The following ZNF230 variants were observed in gnomAD, a reference collection of about 807,000 sequenced individuals.
The protein encoded by ZNF230 is zinc finger protein 230, also known as zinc finger protein FDZF2.
A neutral mutation model predicts 10.0 loss-of-function variants in ZNF230; 12 were observed. That is an observed-to-expected ratio of 1.20 (90% confidence interval 0.77 to 1.95). ZNF230 has a LOEUF of 1.95. Among genes scored for constraint, ZNF230 ranks in the 30% most tolerant of loss-of-function variants. ZNF230 has a pLI of 0.00. For missense variants in ZNF230, 532 were observed against 565.8 expected (o/e 0.94, Z 0.61); for synonymous variants, 174 against 193.6 (o/e 0.90, Z 0.84).
At chr19:44,009,346 T>C (rs1599852548) in intron 4 of ZNF230, 176 bp downstream of exon 4, 1 of 690,818 alleles carries the variant, frequency 1.4e-6, no homozygotes, top group Admixed American at 3.0e-5. Flanking sequence ...ACATCTATTT[T>C]CCCCCGAGCA....
Position 44,012,077 on chromosome 19 carries a change from GC to G in ZNF230, c.*614del. The G allele has an allele frequency of 4.7e-6, 1 of 214,126 alleles. No individual in the cohort carries two copies. The highest frequency in any genetic ancestry group is 9.4e-6 in the Non-Finnish European group (1 of 106,132). The allele number at this position is 214,126 out of a possible 1,614,324, so 13.3% of individuals were successfully genotyped here. On this transcript the variant is annotated 3_prime_UTR_variant, in exon 5 of 5. Coordinates refer to ENST00000429154, the MANE Select transcript of ZNF230 (RefSeq NM_006300.4). ...TCTGATCCACATACTGATTTCCTTT[GC>G]TTTGGATATACTCAATAGTGGGATT... is the stretch of plus-strand genomic sequence containing the variant.
intron 2 of ZNF230, 44 bp from the exon 3 acceptor site, chr19:44,008,746 G>C (rs1409013618): frequency 1.2e-6 from 2 of 1,604,532 alleles, no homozygotes; most frequent in African/African-American, 1.3e-5. Flanking sequence ...TCCCCCAGTA[G>C]TCCATGGTCA....
intron 2 of ZNF230, among the ~76,000 whole-genome samples, chr19:44,007,677 A>G (rs1320966690): frequency 1.3e-5 from 2 of 152,124 alleles, no homozygotes; most frequent in Admixed American, 1.3e-4. Flanking sequence ...GTGTTTCCGT[A>G]TTCTGTCCTT....
At position 44,010,666 on chromosome 19, in the gene ZNF230, A is replaced by G. The variant is rs779939169; in HGVS notation, c.627A>G (p.Ser209=). ...DMRGKEFSQS[S]CLQTRERVHT... is the part of the protein sequence containing the mutation. ...GTGGTAAGGAATTCAGTCAGAGCTC[A>G]TGTCTGCAAACTCGTGAGAGAGTCC... The change falls in exon 5 of 5, where the codon TCA becomes TCG. Residue 209 remains serine (S), a synonymous_variant. Coordinates refer to ENST00000429154, the MANE Select transcript of ZNF230 (RefSeq NM_006300.4). The G allele has an allele frequency of 3.1e-6, 5 of 1,614,146 alleles. No homozygotes were observed. Among genetic ancestry groups the G allele is most frequent in the Non-Finnish European group, 4.2e-6 (5 of 1,180,050 alleles).
In ZNF230 at chr19:44,011,632, G is replaced by A. The variant is rs1226851133; in HGVS notation, c.*168G>A. 2 of 724,274 alleles carry A rather than the reference G, an allele frequency of 2.8e-6. No homozygotes were observed. The highest frequency in any genetic ancestry group is 2.9e-5 in the East Asian group (1 of 33,964). The allele number at this position is 724,274 out of a possible 1,614,324, so 44.9% of individuals were successfully genotyped here. On this transcript the variant is annotated 3_prime_UTR_variant, in exon 5 of 5. Transcript: ENST00000429154. ...ATTTGAAAAGAAACAATAAATTATTGTTGATTATAGTCACCTTTGGTGCTT... is the reference window on the plus strand; with the variant it reads ...ATTTGAAAAGAAACAATAAATTATTATTGATTATAGTCACCTTTGGTGCTT...
intron 2 of ZNF230, among the ~76,000 whole-genome samples, chr19:44,008,163 G>C (rs1976139666): frequency 6.6e-6 from 1 of 152,088 alleles, no homozygotes; most frequent in Non-Finnish European, 1.5e-5. Flanking sequence ...GGGGTAACAT[G>C]ACTTACTGAG....
rs1211891286 is a variant in ZNF230 at position 44,013,605 on chromosome 19, C to A, written c.*2141C>A. 6.6e-6 allele frequency: 1 copy of A among 152,098 alleles called. No homozygotes were observed. Among genetic ancestry groups the A allele is most frequent in the Non-Finnish European group, 1.5e-5 (1 of 68,006 alleles). The allele number at this position is 152,098 out of a possible 1,614,324, so 9.4% of individuals were successfully genotyped here. A position where few individuals can be genotyped will look rare whatever the true frequency, so the allele number is the denominator to read the frequency against. On this transcript the variant is annotated 3_prime_UTR_variant, in exon 5 of 5. Coordinates refer to ENST00000429154, the MANE Select transcript of ZNF230 (RefSeq NM_006300.4). ...ACATAAGACCAATAAAATGAGGGAA[C>A]CAGACATACAGTAAAAGGAGAAAAA...
chr19:44,003,336 T>A (rs945961864), intron 1 of ZNF230: 1 of 152,198 alleles, frequency 6.6e-6, no homozygotes, highest in Non-Finnish European at 1.5e-5. Context: ...TACTTTCCAT[T>A]GCTGTTTTTG....
At chr19:44,006,060 T>TTA (rs1555765418) in intron 1 of ZNF230, among the ~76,000 whole-genome samples, 3 of 151,864 alleles carry the variant, frequency 2.0e-5, no homozygotes, top group African/African-American at 7.3e-5. Flanking sequence ...GTTTTTTTTT[T>TTA]AATAGGAAAG....
intron 2 of ZNF230, among the ~76,000 whole-genome samples, chr19:44,008,531 G>A (rs1347030136): frequency 2.0e-5 from 3 of 152,184 alleles, no homozygotes; most frequent in Admixed American, 6.5e-5. Context: ...CTATATAGGT[G>A]TAGCCCAGGA....
intron 1 of ZNF230, 52 bp from the exon 2 acceptor site, chr19:44,006,959 C>A: frequency 2.5e-6 from 2 of 802,768 alleles, no homozygotes; most frequent in Non-Finnish European, 4.2e-6. Flanking sequence ...GCTACACAGC[C>A]TCCCCAGCCA....
intron 4 of ZNF230, 74 bp from the exon 5 acceptor site, chr19:44,010,195 C>A (rs1568497781): frequency 7.3e-6 from 10 of 1,366,072 alleles, no homozygotes; most frequent in South Asian, 4.3e-5. Context: ...AATGCCATAT[C>A]CTAAGTGTGA....
rs1444824642 is a variant in ZNF230 at position 44,008,880 on chromosome 19, G to A, written c.106G>A (p.Val36Met). Reference protein sequence around the residue: ...DPAQRKLYQDVMLENFTNLLS... With the variant: ...DPAQRKLYQDMMLENFTNLLS... ...TGCCCAGAGGAAGCTGTACCAAGAC[G>A]TGATGCTTGAGAACTTCACGAACCT... The change falls in exon 3 of 5, where the codon GTG becomes ATG. Residue 36 changes from valine (V) to methionine (M), a missense_variant. Physicochemically the swap from Val to Met is conservative, Grantham distance 21. Transcript: ENST00000429154. The A allele has an allele frequency of 5.0e-6, 8 of 1,614,008 alleles. No homozygotes were observed. The highest frequency in any genetic ancestry group is 3.3e-5 in the Admixed American group (2 of 59,990).
At chr19:44,006,588 C>T (rs940178587) in intron 1 of ZNF230, 15 of 152,462 alleles carry the variant, frequency 9.8e-5, no homozygotes, top group African/African-American at 3.4e-4. Flanking sequence ...ATTTTTCACC[C>T]TCAGTTGGAC....
chr19:44,009,484 C>T (rs1243253008), intron 4 of ZNF230, among the ~76,000 whole-genome samples: 1 of 103,752 alleles, frequency 9.6e-6, no homozygotes. Flanking sequence ...GTTTGTTCTT[C>T]ATCCCCTGCT....
At chr19:44,003,629 C>T in intron 1 of ZNF230, 1 of 190,790 alleles carries the variant, frequency 5.2e-6, no homozygotes. Flanking sequence ...GAGCATTTAA[C>T]TTTTATGGGG....
At position 44,008,832 on chromosome 19, in the gene ZNF230, G is replaced by A. The variant is rs764337155; in HGVS notation, c.58G>A (p.Glu20Lys). The change falls in exon 3 of 5, where the codon GAG (glutamate) becomes AAG (lysine). Residue 20 changes from glutamate to lysine, a missense_variant. Coordinates refer to ENST00000429154, the MANE Select transcript of ZNF230 (RefSeq NM_006300.4). ...FKDVAVFFTE[E>K]ELGLLDPAQR... ...GGATGTGGCTGTGTTCTTCACTGAGGAGGAACTGGGGCTACTGGACCCTGC... is the reference window on the plus strand; with the variant it reads ...GGATGTGGCTGTGTTCTTCACTGAGAAGGAACTGGGGCTACTGGACCCTGC... 2.5e-6 allele frequency: 4 copies of A among 1,614,074 alleles called. No homozygotes were observed. Among genetic ancestry groups the A allele is most frequent in the Non-Finnish European group, 2.5e-6 (3 of 1,179,982 alleles).
chr19:44,013,580 A>G lies in ZNF230; in HGVS notation c.*2116A>G, dbSNP rs559534436. 61 of 152,306 alleles carry G rather than the reference A, an allele frequency of 4.0e-4. No individual in the cohort carries two copies. Among genetic ancestry groups the G allele is most frequent in the African/African-American group, 1.4e-3 (57 of 41,582 alleles). The allele number at this position is 152,306 out of a possible 1,614,324, so 9.4% of individuals were successfully genotyped here. On this transcript the variant is annotated 3_prime_UTR_variant, in exon 5 of 5. Coordinates refer to ENST00000429154, the MANE Select transcript of ZNF230 (RefSeq NM_006300.4). Reference sequence around the variant, plus strand: ...TGTGTGAAATGCATTTATTCCTATAACATAAGACCAATAAAATGAGGGAAC... The same window carrying G: ...TGTGTGAAATGCATTTATTCCTATAGCATAAGACCAATAAAATGAGGGAAC...
At chr19:44,005,993 C>G (rs1390348227) in intron 1 of ZNF230, among the ~76,000 whole-genome samples, 1 of 152,230 alleles carries the variant, frequency 6.6e-6, no homozygotes, top group East Asian at 1.9e-4. Flanking sequence ...TTGTCACATT[C>G]CACAGTTTCT....
Sources: gnomAD v4.1 joint callset for allele counts (sites outside exome capture counted in the v4.1 genomes callset) on GRCh38, gnomAD v4.1.1 for gene constraint, MANE v1.5 for transcripts, NCBI Gene and HGNC (gene_info 2026-07-23, HGNC 2026-07-21) for gene names.